The following PASD1 variants were observed in gnomAD, a reference collection of about 807,000 sequenced individuals.
The protein encoded by PASD1 is PAS domain containing repressor 1.
A neutral mutation model predicts 58.8 loss-of-function variants in PASD1; 13 were observed. That is an observed-to-expected ratio of 0.22 (90% CI 0.14 to 0.35). The LOEUF (loss-of-function observed/expected upper bound fraction) is 0.35. PASD1 is among the 10% of genes least tolerant of loss of function. The pLI, the probability that PASD1 is intolerant of heterozygous loss-of-function variation, is 1.00. For synonymous variants in PASD1, 236 were observed against 216.7 expected, an observed-to-expected ratio of 1.09 and a Z score of -0.78; for missense variants, 734 against 568.3, an observed-to-expected ratio of 1.29 and a Z score of -2.96.
intron 9 of PASD1, among the ~76,000 whole-genome samples, chrX:151,656,159 G>A (rs1373105414): frequency 9.0e-6 from 1 of 111,416 alleles, no homozygotes; most frequent in African/African-American, 3.3e-5. Context: ...AAGATCAGAT[G>A]GTTGTAGATG....
chrX:151,651,257 T>A (rs2014125431), intron 9 of PASD1, among the ~76,000 whole-genome samples: 1 of 112,252 alleles, frequency 8.9e-6, no homozygotes, highest in African/African-American at 3.2e-5. Flanking sequence ...CAAATACTTC[T>A]CTTAATGATG....
chrX:151,612,573 C>A (rs1347491666), intron 4 of PASD1, among the ~76,000 whole-genome samples: 7 of 111,181 alleles, frequency 6.3e-5, no homozygotes, highest in Non-Finnish European at 1.1e-4. Flanking sequence ...GCCAGTGATG[C>A]TGAGCATTTT....
In PASD1 at chrX:151,664,274, G is replaced by T. The variant is rs965453598; in HGVS notation, c.997G>T (p.Asp333Tyr). 8.3e-7 allele frequency: 1 copy of T among 1,209,495 alleles called. No homozygotes were observed. Among genetic ancestry groups the T allele is most frequent in the Non-Finnish European group, 1.1e-6 (1 of 895,075 alleles). The part of the protein sequence containing the change: ...QDPENPVAPL[D>Y]QAGLMDPVDP... ...CCCAGAGAACCCAGTTGCCCCGTTG[G>T]ACCAGGCAGGCCTGATGGATCCAGT... The change falls in exon 11 of 16, where the codon GAC becomes TAC. Residue 333 changes from aspartate (D) to tyrosine (Y), a missense_variant. By Grantham distance (160) the Asp-to-Tyr change is radical (BLOSUM62 -3). Transcript: ENST00000370357.
chrX:151,668,684 A>C (rs1178630278), intron 11 of PASD1, among the ~76,000 whole-genome samples: 3 of 110,913 alleles, frequency 2.7e-5, no homozygotes, highest in Admixed American at 9.7e-5. Context: ...TGAATAGACC[A>C]ATAACAGCCT....
chrX:151,652,886 C>T (rs995879181), intron 9 of PASD1, among the ~76,000 whole-genome samples: 3 of 99,886 alleles, frequency 3.0e-5, no homozygotes, highest in African/African-American at 1.1e-4. Context: ...GTAAGGAGGT[C>T]AGGTTGAGTA....
chrX:151,577,216 T>C (rs1323358298), intron 1 of PASD1, among the ~76,000 whole-genome samples: 3 of 112,090 alleles, frequency 2.7e-5, no homozygotes, highest in Non-Finnish European at 5.6e-5. Flanking sequence ...ATTTCTGTTA[T>C]GCTAAGTTGC....
chrX:151,601,975 T>A (rs1245017637), intron 2 of PASD1, among the ~76,000 whole-genome samples: 2 of 112,627 alleles, frequency 1.8e-5, no homozygotes, highest in African/African-American at 3.2e-5. Flanking sequence ...AGATCAAACT[T>A]CTAAAATAAA....
intron 8 of PASD1, among the ~76,000 whole-genome samples, chrX:151,630,702 G>A (rs2013856322): frequency 8.9e-6 from 1 of 112,576 alleles, no homozygotes; most frequent in South Asian, 3.7e-4. Context: ...CCTTATCTTG[G>A]TAATTCCATT....
intron 8 of PASD1, among the ~76,000 whole-genome samples, chrX:151,637,721 T>G (rs1019267542): frequency 8.9e-6 from 1 of 111,874 alleles, no homozygotes; most frequent in Non-Finnish European, 1.9e-5. Context: ...GTTGTCATTT[T>G]TCAAAATTTT....
At chrX:151,652,916 A>G (rs746410136) in intron 9 of PASD1, among the ~76,000 whole-genome samples, 2 of 111,024 alleles carry the variant, frequency 1.8e-5, no homozygotes, top group South Asian at 7.6e-4. Context: ...AAGCCATTGT[A>G]TAGATTTTGG....
chrX:151,636,787 G>T (rs1026142682), intron 8 of PASD1, among the ~76,000 whole-genome samples: 1 of 110,914 alleles, frequency 9.0e-6, no homozygotes, highest in African/African-American at 3.3e-5. Flanking sequence ...TTGGTATACA[G>T]TTCTGTGGAT....
At chrX:151,581,227 CAAAAA>C (rs55664238) in intron 1 of PASD1, among the ~76,000 whole-genome samples, 11,263 of 31,189 alleles carry the variant, frequency 0.36, 1,442 homozygotes, top group Non-Finnish European at 0.49. Flanking sequence ...AGCTCTGTAT[CAAAAA>C]AAAAAAAAAA....
chrX:151,672,283 A>G lies in PASD1; in HGVS notation c.1538A>G (p.Lys513Arg), dbSNP rs2014485826. ...GAGCAAAGGAAGGTGCAGAAGCAGAAGAAGATGCAGGAGAAGAAGAAGCTG... is the reference window on the plus strand; with the variant it reads ...GAGCAAAGGAAGGTGCAGAAGCAGAGGAAGATGCAGGAGAAGAAGAAGCTG... The part of the protein sequence containing the change: ...LREQRKVQKQ[K>R]KMQEKKKLQE... The change falls in exon 14 of 16, where the codon AAG (lysine) becomes AGG (arginine). Residue 513 changes from lysine to arginine, a missense_variant. Transcript: ENST00000370357. 8.6e-7 allele frequency: 1 copy of G among 1,166,955 alleles called. No individual in the cohort carries two copies. The highest frequency in any genetic ancestry group is 2.6e-5 in the Admixed American group (1 of 38,611).
chrX:151,611,529 G>C (rs1431852867), intron 3 of PASD1, 135 bp from the exon 4 acceptor site: 4 of 408,486 alleles, frequency 9.8e-6, no homozygotes, highest in Non-Finnish European at 1.6e-5. Context: ...AATTAAGTCT[G>C]TGCCTACTTT....
At chrX:151,616,504 G>GTT (rs59708149) in intron 4 of PASD1, among the ~76,000 whole-genome samples, 36,942 of 102,746 alleles carry the variant, frequency 0.36, 5,235 homozygotes, top group Non-Finnish European at 0.4. Context: ...TTCATTGACA[G>GTT]TTTTTTTTTT....
chrX:151,660,015 A>T (rs1260886579), intron 10 of PASD1, among the ~76,000 whole-genome samples, 179 bp downstream of exon 10: 1 of 112,575 alleles, frequency 8.9e-6, no homozygotes, highest in East Asian at 2.8e-4. Context: ...AATAAAAATG[A>T]GTATTTCATC....
chrX:151,584,109 C>A (rs1290211402), intron 1 of PASD1, among the ~76,000 whole-genome samples: 1 of 111,478 alleles, frequency 9.0e-6, no homozygotes, highest in African/African-American at 3.3e-5. Context: ...CTTTGGAATT[C>A]CCCTCTGAAT....
intron 1 of PASD1, among the ~76,000 whole-genome samples, chrX:151,583,352 CT>C (rs2124233105): frequency 8.9e-6 from 1 of 112,143 alleles, no homozygotes; most frequent in East Asian, 2.8e-4. Context: ...TACTTTTCTA[CT>C]GCTATAAATC....
chrX:151,600,124 C>T (rs1219649885), intron 1 of PASD1, among the ~76,000 whole-genome samples: 2 of 111,680 alleles, frequency 1.8e-5, no homozygotes, highest in South Asian at 3.8e-4. Flanking sequence ...ACCAGTCAGG[C>T]GTGGCGGCGT....
Sources: allele counts gnomAD v4.1 joint callset (sites outside exome capture counted in the v4.1 genomes callset), GRCh38; gene constraint gnomAD v4.1.1; transcripts MANE v1.5; gene names NCBI Gene and HGNC (gene_info 2026-07-23, HGNC 2026-07-21).